ERCC4: variants seen among roughly 807,000 people sequenced by gnomAD.
The protein encoded by ERCC4 is DNA repair endonuclease XPF.
In ERCC4, 65 loss-of-function variants were observed where a neutral mutation model predicts 76.9. That is an observed-to-expected ratio of 0.84 (90% CI 0.69 to 1.04). The LOEUF is 1.04. ERCC4 is among the 50% of genes least tolerant of loss of function. The pLI, the probability that ERCC4 is intolerant of heterozygous loss-of-function variation, is 0.00. For synonymous variants in ERCC4, 463 were observed against 410.1 expected, an observed-to-expected ratio of 1.13 and a Z score of -1.56; for missense variants, 1,214 against 1,128.2, an observed-to-expected ratio of 1.08 and a Z score of -1.09.
rs2032107400 is a variant in ERCC4, at chr16:13,928,229, T to C, written c.786T>C (p.Phe262=). The C allele has an allele frequency of 1.9e-6, 3 of 1,603,160 alleles. No homozygotes were observed. Among genetic ancestry groups the C allele is most frequent in the Non-Finnish European group, 2.6e-6 (3 of 1,170,686 alleles). ...TAGAAAATGCTATTGGAAAACCTTT[T>C]GACAAGGTACTCTTTTTCCTTTTAA... ...LSLENAIGKP[F]DKTIRHYLDP... The change falls in exon 4 of 11, where the codon TTT becomes TTC. Residue 262 remains phenylalanine (F), a synonymous_variant. Transcript: ENST00000311895.
chr16:13,937,946 T>C (rs1373901447), intron 9 of ERCC4, 88 bp downstream of exon 9: 11 of 858,588 alleles, frequency 1.3e-5, no homozygotes, highest in Non-Finnish European at 1.2e-5. Context: ...TCAGGAAGGA[T>C]AGGGCAAGGA....
At position 13,951,164 on chromosome 16, in the gene ERCC4, T is replaced by G; in HGVS notation, c.*2817T>G. Reference sequence around the variant, plus strand: ...GTGTTTACTTAGATTTTTATAAAAATTTTTTTTACAATCTAATAATCTTTG... The same window carrying G: ...GTGTTTACTTAGATTTTTATAAAAAGTTTTTTTACAATCTAATAATCTTTG... On this transcript the variant is annotated 3_prime_UTR_variant, in exon 11 of 11. Transcript: ENST00000311895. The G allele has an allele frequency of 5.4e-6, 1 of 183,978 alleles. No homozygotes were observed. Among genetic ancestry groups the G allele is most frequent in the Non-Finnish European group, 1.2e-5 (1 of 86,590 alleles). 11.4% of individuals were successfully genotyped at this position (183,978 alleles called of 1,614,324 possible).
In ERCC4 at chr16:13,928,017, T is replaced by C. The variant is rs1194073183; in HGVS notation, c.585-11T>C. 6.2e-7 allele frequency: 1 copy of C among 1,602,028 alleles called. No homozygotes were observed. Among genetic ancestry groups the C allele is most frequent in the East Asian group, 2.2e-5 (1 of 44,764 alleles). On this transcript the variant is annotated splice_polypyrimidine_tract_variant and intron_variant, in intron 3 of 10. Coordinates refer to ENST00000311895, the MANE Select transcript of ERCC4 (RefSeq NM_005236.3). The stretch of plus-strand genomic sequence containing the variant: ...CTCTAGAAAATTGTTGAAAAATATT[T>C]GTCTCTTTAGGTTCCATGTAGCAGT...
chr16:13,932,069 G>A (rs1809794507), intron 5 of ERCC4, 88 bp from the exon 6 acceptor site: 1 of 1,120,034 alleles, frequency 8.9e-7, no homozygotes, highest in Non-Finnish European at 1.4e-6. Flanking sequence ...ATGACAGCCA[G>A]TTACGTATGT....
rs905622720 is a variant in ERCC4, at chr16:13,948,803, A to G, written c.*456A>G. 3 of 233,070 alleles carry G rather than the reference A, an allele frequency of 1.3e-5. No homozygotes were observed. Among genetic ancestry groups the G allele is most frequent in the African/African-American group, 6.6e-5 (3 of 45,280 alleles). 14.4% of individuals were successfully genotyped at this position (233,070 alleles called of 1,614,324 possible). A position where few individuals can be genotyped will look rare whatever the true frequency, so the allele number is the denominator to read the frequency against. ...AAATAACAGTCTTAATTGCACTTATACCCATGTCCTGTGGCTCTCCAAATC... is the reference window on the plus strand; with the variant it reads ...AAATAACAGTCTTAATTGCACTTATGCCCATGTCCTGTGGCTCTCCAAATC... On this transcript the variant is annotated 3_prime_UTR_variant, in exon 11 of 11. Transcript: ENST00000311895.
intron 9 of ERCC4, among the ~76,000 whole-genome samples, chr16:13,938,560 C>G (rs3136167): frequency 1.6e-4 from 24 of 152,130 alleles, no homozygotes; most frequent in Non-Finnish European, 3.2e-4. Context: ...GGAAGATGGG[C>G]CAGATAATCT....
intron 9 of ERCC4, among the ~76,000 whole-genome samples, chr16:13,940,540 C>G (rs943337796): frequency 1.3e-5 from 2 of 152,224 alleles, no homozygotes; most frequent in Non-Finnish European, 2.9e-5. Flanking sequence ...TGTGACCACA[C>G]ATGCAAAGTG....
chr16:13,931,711 T>G (rs2032175345), intron 5 of ERCC4: 1 of 170,686 alleles, frequency 5.9e-6, no homozygotes, highest in Non-Finnish European at 1.3e-5. Context: ...GAGTGATGCT[T>G]ATATGCCAAT....
chr16:13,939,061 G>A (rs1457330382), intron 9 of ERCC4, among the ~76,000 whole-genome samples: 1 of 152,134 alleles, frequency 6.6e-6, no homozygotes, highest in East Asian at 1.9e-4. Flanking sequence ...TTTCCTACCA[G>A]TGTGCTCTAT....
At chr16:13,943,998 C>T (rs2032468345) in intron 9 of ERCC4, 1 of 152,348 alleles carries the variant, frequency 6.6e-6, no homozygotes, top group African/African-American at 2.4e-5. Flanking sequence ...ATATGAGCCA[C>T]CTTGAAGACA....
chr16:13,928,738 A>T (rs910941947), intron 4 of ERCC4, among the ~76,000 whole-genome samples: 1 of 152,170 alleles, frequency 6.6e-6, no homozygotes, highest in African/African-American at 2.4e-5. Flanking sequence ...ATTTTTTATT[A>T]TAGATTAATA....
intron 3 of ERCC4, among the ~76,000 whole-genome samples, chr16:13,927,060 C>T (rs1001431855): frequency 2.0e-5 from 3 of 152,146 alleles, no homozygotes; most frequent in African/African-American, 7.2e-5. Context: ...ATCTAGAGAC[C>T]CACATATACA....
intron 6 of ERCC4, 52 bp downstream of exon 6, chr16:13,932,337 A>G (rs773474320): frequency 1.3e-6 from 2 of 1,554,886 alleles, no homozygotes; most frequent in African/African-American, 1.4e-5. Context: ...GGTATTTGGT[A>G]TGGAAATTTA....
chr16:13,933,896 C>A, intron 6 of ERCC4: 1 of 289,732 alleles, frequency 3.5e-6, no homozygotes, highest in Non-Finnish European at 6.5e-6. Context: ...TTTTGTATAG[C>A]TGCTTATATA....
chr16:13,921,364 G>A (rs2031972417), intron 1 of ERCC4, among the ~76,000 whole-genome samples: 1 of 152,138 alleles, frequency 6.6e-6, no homozygotes, highest in Admixed American at 6.5e-5. Flanking sequence ...TGTTGAGAGG[G>A]GACACAGCTT....
In ERCC4 at chr16:13,948,445, C is replaced by A; in HGVS notation, c.*98C>A. ...TTAATTATTGGTTTGCTATTTCATT[C>A]TTTTCCAATGCTCTTAATGATTGTA... On this transcript the variant is annotated 3_prime_UTR_variant, in exon 11 of 11. Transcript: ENST00000311895. 2.9e-6 allele frequency: 4 copies of A among 1,372,924 alleles called. No individual in the cohort carries two copies. In the South Asian group the frequency reaches 4.7e-5, roughly 16 times the overall value. 85.0% of individuals were successfully genotyped at this position (1,372,924 alleles called of 1,614,324 possible).
At chr16:13,928,259 A>C (rs2032108071) in intron 4 of ERCC4, 24 bp downstream of exon 4, 2 of 1,451,292 alleles carry the variant, frequency 1.4e-6, no homozygotes, top group African/African-American at 1.4e-5. Context: ...TTTTAAGCAC[A>C]GTTTATTATG....
chr16:13,924,235 C>G (rs1567242768), intron 2 of ERCC4, among the ~76,000 whole-genome samples: 1 of 152,146 alleles, frequency 6.6e-6, no homozygotes, highest in Non-Finnish European at 1.5e-5. Context: ...TCACCTGTCA[C>G]CACCCATTAT....
chr16:13,943,964 T>C (rs1391898674), intron 9 of ERCC4: 1 of 152,254 alleles, frequency 6.6e-6, no homozygotes, highest in Non-Finnish European at 1.5e-5. Context: ...ATGATTGTAC[T>C]GTCCTCTAGA....
Sources: allele counts gnomAD v4.1 joint callset (sites outside exome capture counted in the v4.1 genomes callset), GRCh38; gene constraint gnomAD v4.1.1; transcripts MANE v1.5; gene names NCBI Gene and HGNC (gene_info 2026-07-23, HGNC 2026-07-21).